The following KIAA1755 variants were observed in gnomAD, a reference collection of about 807,000 sequenced individuals.
KIAA1755 encodes the protein uncharacterized protein KIAA1755.
A neutral mutation model predicts 91.7 loss-of-function variants in KIAA1755; 68 were observed. The ratio of observed to expected loss-of-function variants is 0.74; its 90% confidence interval spans 0.61 to 0.91. KIAA1755 has a LOEUF of 0.91. KIAA1755 is among the 40% of genes least tolerant of loss of function. KIAA1755 has a pLI of 0.00. For synonymous variants in KIAA1755, 610 were observed against 604.6 expected, an observed-to-expected ratio of 1.01 and a Z score of -0.13; for missense variants, 1,535 against 1,494.4, an observed-to-expected ratio of 1.03 and a Z score of -0.45.
At chr20:38,215,040 C>A (rs1420068075) in intron 13 of KIAA1755, among the ~76,000 whole-genome samples, 1 of 152,206 alleles carries the variant, frequency 6.6e-6, no homozygotes, top group African/African-American at 2.4e-5. Flanking sequence ...TATTTAGGAC[C>A]AAAGCTGCTG....
intron 13 of KIAA1755, 62 bp downstream of exon 13, chr20:38,217,191 C>G (rs541802413): frequency 7.0e-7 from 1 of 1,430,982 alleles, no homozygotes; most frequent in South Asian, 1.3e-5. Context: ...GTATCCCTGT[C>G]CCCACCATAG....
chr20:38,219,059 T>C (rs1267876273), intron 11 of KIAA1755, among the ~76,000 whole-genome samples: 1 of 152,180 alleles, frequency 6.6e-6, no homozygotes. Flanking sequence ...ATGAAGATAC[T>C]GAAGCACTGA....
At chr20:38,236,891 C>G (rs754693163) in intron 4 of KIAA1755, 2 of 151,844 alleles carry the variant, frequency 1.3e-5, no homozygotes, top group Non-Finnish European at 2.9e-5. Flanking sequence ...AATATTGCAG[C>G]GTGTTCTCAT....
chr20:38,252,732 T>C (rs925355461), intron 1 of KIAA1755, among the ~76,000 whole-genome samples: 2 of 152,198 alleles, frequency 1.3e-5, no homozygotes, highest in Admixed American at 1.3e-4. Flanking sequence ...TTGGCTTGGT[T>C]TGCCACACAC....
chr20:38,245,794 C>T, intron 2 of KIAA1755, 135 bp downstream of exon 2: 1 of 749,770 alleles, frequency 1.3e-6, no homozygotes, highest in Non-Finnish European at 2.2e-6. Context: ...AGCAATGATA[C>T]TTGGAAAGTC....
At chr20:38,247,550 C>T (rs983504996) in intron 1 of KIAA1755, among the ~76,000 whole-genome samples, 9 of 152,202 alleles carry the variant, frequency 5.9e-5, no homozygotes, top group Admixed American at 5.2e-4. Context: ...CTATAGTACC[C>T]CTATTACAGC....
intron 13 of KIAA1755, among the ~76,000 whole-genome samples, chr20:38,214,799 G>A (rs531475698): frequency 6.6e-6 from 1 of 152,202 alleles, no homozygotes; most frequent in South Asian, 2.1e-4. Context: ...AAGCCAACAC[G>A]TTCCCAGCCG....
At chr20:38,215,639 T>G (rs1398977904) in intron 13 of KIAA1755, among the ~76,000 whole-genome samples, 1 of 152,012 alleles carries the variant, frequency 6.6e-6, no homozygotes, top group Admixed American at 6.5e-5. Context: ...AGCCAGCCGG[T>G]CAACGGGAAG....
At chr20:38,221,949 G>A (rs970551212) in intron 10 of KIAA1755, among the ~76,000 whole-genome samples, 5 of 152,196 alleles carry the variant, frequency 3.3e-5, no homozygotes, top group African/African-American at 7.2e-5. Flanking sequence ...GCAGCCTACC[G>A]GGAAAGGCAG....
Position 38,223,590 on chromosome 20 carries a change from A to T in KIAA1755, c.2216T>A (p.Leu739Gln), listed in dbSNP as rs774659716. ...CTCGAATTCCTCGATGGAAGCTTGT[A>T]GCAGGGAAGAGGCCTGGTGGAGGTC... ...LADLHQASSL[L>Q]QASIEEFEKA... The change falls in exon 9 of 14, where the codon CTA becomes CAA. Residue 739 changes from leucine to glutamine, a missense_variant. Leu to Gln is a moderately radical substitution (Grantham distance 113, BLOSUM62 -2). Coordinates refer to ENST00000279024, the MANE Select transcript of KIAA1755 (RefSeq NM_001029864.2). 1 of 1,602,560 alleles carries T rather than the reference A, an allele frequency of 6.2e-7. No individual in the cohort carries two copies. Among genetic ancestry groups the T allele is most frequent in the Non-Finnish European group, 8.5e-7 (1 of 1,175,402 alleles).
chr20:38,227,999 T>C, intron 6 of KIAA1755, 148 bp downstream of exon 6: 1 of 518,774 alleles, frequency 1.9e-6, no homozygotes, highest in Non-Finnish European at 3.3e-6. Flanking sequence ...TCAAGCTTGT[T>C]AGGGCTGAGT....
intron 1 of KIAA1755, among the ~76,000 whole-genome samples, chr20:38,247,404 A>T (rs2076177524): frequency 1.3e-5 from 2 of 152,118 alleles, no homozygotes; most frequent in African/African-American, 4.8e-5. Flanking sequence ...TCCTGCTGGA[A>T]TGCCCTTCAC....
In KIAA1755 at chr20:38,239,659, GC is replaced by G. The variant is rs754515055; in HGVS notation, c.1615del (p.Ala539LeufsTer31). ...GCCTGCAGAAGCTTCTGGCAAGGCA[GC>G]CTTTTCCTCAGTCAGTGGGCTGGGG... ...TAPSPLTEEKAALPEASAGSP... is the reference protein window; with the variant it reads ...TAPSPLTEEKXALPEASAGSP... On this transcript the variant is annotated frameshift_variant, in exon 4 of 14. Coordinates refer to ENST00000279024, the MANE Select transcript of KIAA1755 (RefSeq NM_001029864.2). LOFTEE classifies it high-confidence loss of function. 8 of 1,607,982 alleles carry G rather than the reference GC, an allele frequency of 5.0e-6. No individual in the cohort carries two copies. The South Asian group carries it at 8.9e-5, about 18-fold the overall frequency.
intron 5 of KIAA1755, among the ~76,000 whole-genome samples, chr20:38,229,696 T>G (rs1003583725): frequency 6.6e-6 from 1 of 152,274 alleles, no homozygotes; most frequent in African/African-American, 2.4e-5. Flanking sequence ...ACAGTTTACA[T>G]CCTCTACACC....
intron 1 of KIAA1755, among the ~76,000 whole-genome samples, chr20:38,253,165 A>C (rs1267906623): frequency 6.6e-6 from 1 of 152,186 alleles, no homozygotes; most frequent in African/African-American, 2.4e-5. Context: ...CCTGCAGCCC[A>C]AGGTCAGAGA....
At chr20:38,255,724 T>TA (rs1173339900) in intron 1 of KIAA1755, among the ~76,000 whole-genome samples, 15 of 152,116 alleles carry the variant, frequency 9.9e-5, no homozygotes, top group Admixed American at 9.8e-4. Flanking sequence ...TTGGCTCGTA[T>TA]AAAAAAACTT....
At chr20:38,223,727 G>T in intron 8 of KIAA1755, 91 bp from the exon 9 acceptor site, 1 of 901,852 alleles carries the variant, frequency 1.1e-6, no homozygotes, top group Non-Finnish European at 1.7e-6. Flanking sequence ...GGAGGTGGGA[G>T]GCAGTGGCTC....
At chr20:38,219,250 C>G (rs771454626) in intron 11 of KIAA1755, among the ~76,000 whole-genome samples, 1 of 152,142 alleles carries the variant, frequency 6.6e-6, no homozygotes, top group Non-Finnish European at 1.5e-5. Context: ...AATCAGACCC[C>G]GAGATATGCA....
rs759204977 is a variant in KIAA1755 at position 38,225,789 on chromosome 20, C to G, written c.2053-8G>C. 1 of 1,513,588 alleles carries G rather than the reference C, an allele frequency of 6.6e-7. No individual in the cohort carries two copies. The highest frequency in any genetic ancestry group is 2.4e-5 in the East Asian group (1 of 42,372). The allele number at this position is 1,513,588 out of a possible 1,614,324, so 93.8% of individuals were successfully genotyped here. A position where few individuals can be genotyped will look rare whatever the true frequency, so the allele number is the denominator to read the frequency against. ...TGAGGTCAGCACCTCCACCTGCAGA[C>G]CAAAGAATCAGGAGAACCAGGGACT... On this transcript the variant is annotated splice_polypyrimidine_tract_variant and splice_region_variant and intron_variant, in intron 7 of 13. Transcript: ENST00000279024.
Sources: gnomAD v4.1 joint callset for allele counts (sites outside exome capture counted in the v4.1 genomes callset) on GRCh38, gnomAD v4.1.1 for gene constraint, MANE v1.5 for transcripts, NCBI Gene and HGNC (gene_info 2026-07-23, HGNC 2026-07-21) for gene names.